SAMD5: variants seen among roughly 807,000 people sequenced by gnomAD.
SAMD5 encodes sterile alpha motif domain containing 5.
In SAMD5, 13 loss-of-function variants were observed where a neutral mutation model predicts 11.3. The observed-to-expected ratio is 1.15, with a 90% CI of 0.75 to 1.83. SAMD5 has a LOEUF of 1.83. SAMD5 is among the 40% of genes most tolerant of loss of function. The pLI, the probability that SAMD5 is intolerant of heterozygous loss-of-function variation, is 0.00. For missense variants in SAMD5, 255 were observed against 239.1 expected, an observed-to-expected ratio of 1.07 and a Z score of -0.44; for synonymous variants, 129 against 111.3, an observed-to-expected ratio of 1.16 and a Z score of -1.00.
the SAMD5 span, among the ~76,000 whole-genome samples, chr6:147,803,479 A>G: frequency 6.6e-6 from 1 of 152,162 alleles, no homozygotes; most frequent in Non-Finnish European, 1.5e-5. Context: ...AAATCCTAAT[A>G]TGATGATAAT....
intron 1 of SAMD5, among the ~76,000 whole-genome samples, chr6:147,724,299 A>T (rs938895369): frequency 6.6e-6 from 1 of 152,118 alleles, no homozygotes; most frequent in African/African-American, 2.4e-5. Context: ...GGCTAGAAAA[A>T]TACTTTTTAT....
At chr6:147,930,796 A>G in the SAMD5 span, among the ~76,000 whole-genome samples, 1 of 152,126 alleles carries the variant, frequency 6.6e-6, no homozygotes. Flanking sequence ...TACAAAAGAG[A>G]GAAAGAGAGT....
the SAMD5 span, among the ~76,000 whole-genome samples, chr6:147,790,770 TTCTCTCTCTCTCTCTCTCTCTCTCTCTC>T: frequency 7.4e-3 from 655 of 88,172 alleles, 11 homozygotes; most frequent in East Asian, 0.066. Context: ...CTCTCTCTCT[TTCTCTCTCTCTCTCTCTCTCTCTCTCTC>T]TCTCTCTCTC....
At chr6:147,577,294 C>G (rs1789230709) in intron 1 of SAMD5, among the ~76,000 whole-genome samples, 1 of 152,104 alleles carries the variant, frequency 6.6e-6, no homozygotes, top group Non-Finnish European at 1.5e-5. Flanking sequence ...AGAAATATTC[C>G]TTTTAGAAAA....
the SAMD5 span, among the ~76,000 whole-genome samples, chr6:147,765,292 A>G: frequency 0.08 from 12,173 of 152,236 alleles, 593 homozygotes; most frequent in Non-Finnish European, 0.1. Context: ...TTCGATGAAT[A>G]AAGACTCTCA....
At chr6:147,589,521 T>C (rs1379498671) in intron 1 of SAMD5, among the ~76,000 whole-genome samples, 1 of 152,054 alleles carries the variant, frequency 6.6e-6, no homozygotes, top group Non-Finnish European at 1.5e-5. Context: ...TTTTCTGTCT[T>C]TGTGATCCTG....
the SAMD5 span, among the ~76,000 whole-genome samples, chr6:147,754,735 G>A: frequency 1.3e-5 from 2 of 152,016 alleles, no homozygotes; most frequent in Non-Finnish European, 2.9e-5. Flanking sequence ...ATTGATTTTT[G>A]TATATGGCAA....
Position 147,670,293 on chromosome 6 carries a change from A to G in SAMD5, c.163-67024A>G, listed in dbSNP as rs79101804. Among the ~76,000 whole-genome samples, 1,398 of 152,362 alleles carry G rather than the reference A, an allele frequency of 9.2e-3. 28 individuals carry two copies. The highest frequency in any genetic ancestry group is 0.032 in the African/African-American group (1,319 of 41,576). On this transcript the variant is annotated intron_variant, in intron 1 of 1. Transcript: ENST00000566741. ...TCCACTTATAGAACACAAACAGAGT[A>G]AATTTAGCATAACTCTTAAGGGCCC...
chr6:147,638,675 T>G (rs917391403), intron 1 of SAMD5, among the ~76,000 whole-genome samples: 1 of 152,220 alleles, frequency 6.6e-6, no homozygotes, highest in African/African-American at 2.4e-5. Flanking sequence ...TTCTGGCAAA[T>G]AAGTGTGGGA....
At chr6:147,801,166 C>A in the SAMD5 span, among the ~76,000 whole-genome samples, 1 of 152,174 alleles carries the variant, frequency 6.6e-6, no homozygotes, top group Non-Finnish European at 1.5e-5. Context: ...ATATGGTTCA[C>A]ACATCACATC....
At chr6:147,826,414 C>A in the SAMD5 span, among the ~76,000 whole-genome samples, 98 of 152,262 alleles carry the variant, frequency 6.4e-4, 1 homozygote, top group African/African-American at 2.2e-3. Context: ...AAAGATGTGT[C>A]ACTAATGTCT....
chr6:147,727,925 A>G (rs1791652700), intron 1 of SAMD5, among the ~76,000 whole-genome samples: 1 of 152,232 alleles, frequency 6.6e-6, no homozygotes, highest in African/African-American at 2.4e-5. Flanking sequence ...GGTTAAATAG[A>G]AGTACAGAAT....
intron 1 of SAMD5, among the ~76,000 whole-genome samples, chr6:147,657,282 T>C (rs1177698769): frequency 6.6e-6 from 1 of 152,136 alleles, no homozygotes. Flanking sequence ...GGAATATTAA[T>C]TGTAGATTAG....
At chr6:147,825,738 G>A in the SAMD5 span, among the ~76,000 whole-genome samples, 1 of 152,256 alleles carries the variant, frequency 6.6e-6, no homozygotes, top group South Asian at 2.1e-4. Flanking sequence ...CATAATTTTT[G>A]TGACGATTTC....
At chr6:147,541,643 T>A (rs1269345319) in intron 1 of SAMD5, among the ~76,000 whole-genome samples, 1 of 152,180 alleles carries the variant, frequency 6.6e-6, no homozygotes, top group Non-Finnish European at 1.5e-5. Context: ...TTAGCCATGC[T>A]GGATTTCCAT....
intron 1 of SAMD5, among the ~76,000 whole-genome samples, chr6:147,663,461 G>T (rs1383128559): frequency 6.6e-6 from 1 of 152,028 alleles, no homozygotes. Context: ...TTGTACCCTT[G>T]AAGTTAAAAT....
the SAMD5 span, among the ~76,000 whole-genome samples, chr6:147,780,611 C>T: frequency 1.3e-5 from 2 of 152,110 alleles, no homozygotes; most frequent in Admixed American, 1.3e-4. Flanking sequence ...GCATTTGACT[C>T]AGTAATGTTT....
chr6:147,780,906 T>G, the SAMD5 span, among the ~76,000 whole-genome samples: 1 of 152,184 alleles, frequency 6.6e-6, no homozygotes, highest in African/African-American at 2.4e-5. Flanking sequence ...GATACTTCAT[T>G]GTTATTCATA....
At chr6:147,909,891 A>G in the SAMD5 span, among the ~76,000 whole-genome samples, 6 of 152,170 alleles carry the variant, frequency 3.9e-5, no homozygotes, top group South Asian at 8.3e-4. Context: ...AGGCCGGTTC[A>G]TGTTACACCC....
Sources: allele counts gnomAD v4.1 joint callset (sites outside exome capture counted in the v4.1 genomes callset), GRCh38; gene constraint gnomAD v4.1.1; transcripts MANE v1.5; gene names NCBI Gene and HGNC (gene_info 2026-07-23, HGNC 2026-07-21).